DNAH11: variants seen among roughly 807,000 people sequenced by gnomAD.
The protein encoded by DNAH11 is axonemal beta dynein heavy chain 11.
In DNAH11, 442 loss-of-function variants were observed where a neutral mutation model predicts 526.0. The ratio of observed to expected loss-of-function variants is 0.84; its 90% CI spans 0.78 to 0.91. DNAH11 has a LOEUF of 0.91. DNAH11 is among the 40% of genes least tolerant of loss of function. The probability of loss-of-function intolerance (pLI) is 0.00; values close to 1 mark genes in which losing one functional copy is unlikely to be tolerated. For synonymous variants in DNAH11, 2,461 were observed against 1,935.9 expected (o/e 1.27, Z -7.12); for missense variants, 6,989 against 5,448.7 (o/e 1.28, Z -8.90).
intron 18 of DNAH11, 99 bp downstream of exon 18, chr7:21,601,717 C>G (rs1289428758): frequency 2.4e-6 from 2 of 824,670 alleles, no homozygotes; most frequent in Non-Finnish European, 3.5e-6. Context: ...TTATAACAAT[C>G]TATACTGTAC....
intron 66 of DNAH11, chr7:21,851,619 GA>G: frequency 2.1e-6 from 1 of 470,758 alleles, no homozygotes; most frequent in Non-Finnish European, 4.4e-6. Flanking sequence ...TTCACTGTAA[GA>G]ACCGGATGGC....
At chr7:21,760,562 T>G (rs552423737) in intron 54 of DNAH11, among the ~76,000 whole-genome samples, 29 of 152,338 alleles carry the variant, frequency 1.9e-4, no homozygotes, top group African/African-American at 6.7e-4. Flanking sequence ...CCTTGATACT[T>G]AGATTTTGAA....
At position 21,720,961 on chromosome 7, in the gene DNAH11, C is replaced by T. The variant is rs936008575; in HGVS notation, c.7266+105C>T. 2.9e-5 allele frequency: 40 copies of T among 1,381,182 alleles called. No homozygotes were observed. In the African/African-American group the frequency reaches 5.7e-4, roughly 20 times the overall value. 85.6% of individuals were successfully genotyped at this position (1,381,182 alleles called of 1,614,324 possible). A position where few individuals can be genotyped will look rare whatever the true frequency, so the allele number is the denominator to read the frequency against. ...TGTACCTTTTTGTTATGTTATAGAT[C>T]TATACTGCTTGCCCTGTTCTCTCCT... On this transcript the variant is annotated intron_variant, in intron 44 of 81. Transcript: ENST00000409508.
chr7:21,566,821 C>G (rs569286862), intron 6 of DNAH11, among the ~76,000 whole-genome samples: 19 of 152,158 alleles, frequency 1.2e-4, no homozygotes, highest in African/African-American at 4.6e-4. Flanking sequence ...TTTTATCACT[C>G]TATTATTAAA....
At chr7:21,639,131 C>G in intron 28 of DNAH11, 66 bp downstream of exon 28, 1 of 1,493,094 alleles carries the variant, frequency 6.7e-7, no homozygotes, top group South Asian at 1.4e-5. Context: ...GCGTCTCTAT[C>G]ATTGTCAAAT....
chr7:21,743,051 CCT>C (rs1462332925), intron 49 of DNAH11, among the ~76,000 whole-genome samples: 1 of 152,170 alleles, frequency 6.6e-6, no homozygotes, highest in African/African-American at 2.4e-5. Flanking sequence ...ATCACGTTGC[CCT>C]CATGACAGTC....
In DNAH11 at chr7:21,900,014, G is replaced by A. The variant is rs1470112776; in HGVS notation, c.13197G>A (p.Trp4399Ter). The A allele has an allele frequency of 6.2e-7, 1 of 1,613,876 alleles. No homozygotes were observed. The highest frequency in any genetic ancestry group is 8.5e-7 in the Non-Finnish European group (1 of 1,179,850). ...IMQTMARKNE[W>*]PLDKTRLTAD... is the part of the protein sequence containing the mutation. ...AGACGATGGCTCGAAAAAATGAGTG[G>A]CCCCTGGATAAAACGCGCTTGACTG... is the stretch of plus-strand genomic sequence containing the variant. Residue 4399 changes from tryptophan (W) to a stop codon, truncating the protein, a stop_gained, in exon 81 of 82, where the codon TGG becomes TGA. Transcript: ENST00000409508. LOFTEE classifies it high-confidence loss of function.
chr7:21,825,453 A>C (rs1328693158), intron 65 of DNAH11, among the ~76,000 whole-genome samples: 1 of 152,208 alleles, frequency 6.6e-6, no homozygotes, highest in Non-Finnish European at 1.5e-5. Flanking sequence ...TGTTTTCCAA[A>C]GTGTTTAGAA....
At chr7:21,655,690 G>A (rs1263846438) in intron 28 of DNAH11, 142 bp from the exon 29 acceptor site, 1 of 833,212 alleles carries the variant, frequency 1.2e-6, no homozygotes, top group Admixed American at 2.9e-5. Flanking sequence ...TATTTTAGAA[G>A]TGACTTTTAT....
intron 28 of DNAH11, among the ~76,000 whole-genome samples, chr7:21,645,936 A>G (rs781340748): frequency 6.6e-6 from 1 of 152,198 alleles, no homozygotes; most frequent in Non-Finnish European, 1.5e-5. Flanking sequence ...AAACAAAAAA[A>G]TGGATAAATT....
chr7:21,758,278 C>T (rs1356755335), intron 54 of DNAH11, among the ~76,000 whole-genome samples: 1 of 152,208 alleles, frequency 6.6e-6, no homozygotes, highest in Non-Finnish European at 1.5e-5. Flanking sequence ...TAGAGAAAGA[C>T]AAAAGGTGCA....
In DNAH11 at chr7:21,691,171, TTTTTTTC is replaced by T. The variant is rs1223392426; in HGVS notation, c.6041+297_6041+303del. On this transcript the variant is annotated intron_variant, in intron 35 of 81. Transcript: ENST00000409508. ...TTATAAACATAATCTTTCATAATTT[TTTTTTTC>T]TTTTTTTTTTTTTAACAGTCAAAGT... Among the ~76,000 whole-genome samples, 291 of 73,342 alleles carry T rather than the reference TTTTTTTC, an allele frequency of 4.0e-3. 1 individual carries two copies. The highest frequency in any genetic ancestry group is 0.035 in the South Asian group (67 of 1,892). The allele number at this position is 73,342 out of a possible 152,430, so 48.1% of individuals were successfully genotyped here.
intron 29 of DNAH11, among the ~76,000 whole-genome samples, chr7:21,656,385 G>A (rs769534373): frequency 3.3e-5 from 5 of 152,168 alleles, no homozygotes; most frequent in Non-Finnish European, 5.9e-5. Flanking sequence ...TTGTTTTAAA[G>A]AGGCTTTGTG....
intron 65 of DNAH11, 150 bp downstream of exon 65, chr7:21,818,489 C>A: frequency 1.3e-6 from 1 of 753,658 alleles, no homozygotes. Flanking sequence ...ACCAAAGCAA[C>A]TGCAACATTA....
intron 79 of DNAH11, among the ~76,000 whole-genome samples, chr7:21,897,740 C>A (rs1784573850): frequency 6.6e-6 from 1 of 152,194 alleles, no homozygotes; most frequent in African/African-American, 2.4e-5. Context: ...CTTCAGCCTC[C>A]CTAGTAGCTG....
rs1782753696 is a variant in DNAH11 at position 21,545,070 on chromosome 7, T to G, written c.416T>G (p.Val139Gly). 6.2e-7 allele frequency: 1 copy of G among 1,605,144 alleles called. No homozygotes were observed. The highest frequency in any genetic ancestry group is 8.5e-7 in the Non-Finnish European group (1 of 1,175,134). Residue 139 changes from valine to glycine, a missense_variant, in exon 2 of 82, where the codon GTA (valine) becomes GGA (glycine). Physicochemically the swap from Val to Gly is moderately radical, Grantham distance 109. Transcript: ENST00000409508. ...ISKKITESIG[V>G]NDFSQVVLFG... Reference sequence around the variant, plus strand: ...AAGAAGATTACTGAAAGCATTGGAGTAAATGACTTTTCTCAAGTGGTTTTA... The same window carrying G: ...AAGAAGATTACTGAAAGCATTGGAGGAAATGACTTTTCTCAAGTGGTTTTA...
At chr7:21,774,191 T>G (rs1787562215) in intron 56 of DNAH11, among the ~76,000 whole-genome samples, 192 bp downstream of exon 56, 1 of 152,132 alleles carries the variant, frequency 6.6e-6, no homozygotes. Context: ...ACAGCTGGAT[T>G]AGGGTGAAAC....
intron 28 of DNAH11, among the ~76,000 whole-genome samples, chr7:21,652,016 A>G (rs1781798069): frequency 6.6e-6 from 1 of 152,252 alleles, no homozygotes; most frequent in Admixed American, 6.5e-5. Context: ...GACAGAAGGA[A>G]ATAGTAACAA....
rs531713064 is a variant in DNAH11 at position 21,869,500 on chromosome 7, A to G, written c.11967+509A>G. Among the ~76,000 whole-genome samples, 203 of 152,256 alleles carry G rather than the reference A, an allele frequency of 1.3e-3. 1 individual carries two copies. Among genetic ancestry groups the G allele is most frequent in the Middle Eastern group, 0.01 (3 of 294 alleles). ...ATGGAATTTATTGAGCGAAAAGAAA[A>G]AAAAAAGTCTCAGCAAAGTGAGAGG... On this transcript the variant is annotated intron_variant, in intron 73 of 81. Transcript: ENST00000409508.
Sources: allele counts gnomAD v4.1 joint callset (sites outside exome capture counted in the v4.1 genomes callset), GRCh38; gene constraint gnomAD v4.1.1; transcripts MANE v1.5; gene names NCBI Gene and HGNC (gene_info 2026-07-23, HGNC 2026-07-21).